Variants in DIAPH1 observed in about 807,000 individuals in gnomAD.
DIAPH1 encodes the protein protein diaphanous homolog 1.
DIAPH1 carries 46 observed loss-of-function variants against 140.7 expected under a neutral mutation model. The observed-to-expected ratio is 0.33, with a 90% CI of 0.26 to 0.42. The LOEUF (loss-of-function observed/expected upper bound fraction) is 0.42, where lower values mean the gene tolerates loss of function less well. DIAPH1 is among the 10% of genes least tolerant of loss of function. DIAPH1 has a pLI of 1.00. For synonymous variants in DIAPH1, 565 were observed against 551.6 expected (o/e 1.02, Z -0.34); for missense variants, 1,310 against 1,558.7 (o/e 0.84, Z 2.69).
chr5:141,540,438 C>A (rs528792764), intron 18 of DIAPH1, among the ~76,000 whole-genome samples: 1 of 152,002 alleles, frequency 6.6e-6, no homozygotes, highest in Non-Finnish European at 1.5e-5. Context: ...GCCTGCCACA[C>A]GCCCAGCTAA....
chr5:141,540,556 A>G (rs933146346), intron 18 of DIAPH1, among the ~76,000 whole-genome samples: 1 of 151,838 alleles, frequency 6.6e-6, no homozygotes, highest in Non-Finnish European at 1.5e-5. Context: ...CTGGGATTAC[A>G]GGCGTGAGCC....
chr5:141,526,550 C>A, intron 24 of DIAPH1, 89 bp from the exon 25 acceptor site: 1 of 1,504,924 alleles, frequency 6.6e-7, no homozygotes, highest in East Asian at 2.3e-5. Flanking sequence ...TGAGTACTGG[C>A]ATGCAAAGGG....
intron 27 of DIAPH1, among the ~76,000 whole-genome samples, chr5:141,522,170 C>T (rs2099886653): frequency 6.6e-6 from 1 of 152,176 alleles, no homozygotes; most frequent in Non-Finnish European, 1.5e-5. Flanking sequence ...TTGAGATTCT[C>T]CCAGATATAT....
chr5:141,583,320 A>G (rs1264061803), intron 5 of DIAPH1, 28 bp from the exon 6 acceptor site: 3 of 1,609,922 alleles, frequency 1.9e-6, no homozygotes, highest in South Asian at 1.1e-5. Context: ...AGGCAATGCA[A>G]TATCAAACCA....
rs139554971 is a variant in DIAPH1, at chr5:141,521,677, C to T, written c.3661+2466G>A. 9.2e-5 allele frequency among the ~76,000 whole-genome samples: 14 copies of T among 152,318 alleles called. No individual in the cohort carries two copies. The East Asian group carries it at 2.7e-3, about 29-fold the overall frequency. ...AGGGCTATGAGGCAGATATGTTCCA[C>T]AGTGCCTCTGTTTTTTTAGCTCAAA... On this transcript the variant is annotated intron_variant, in intron 27 of 27. Transcript: ENST00000389054.
At chr5:141,608,254 T>C (rs776384469) in intron 1 of DIAPH1, among the ~76,000 whole-genome samples, 2 of 152,198 alleles carry the variant, frequency 1.3e-5, no homozygotes, top group Non-Finnish European at 2.9e-5. Context: ...CAGTGGGCCA[T>C]GACTGCACCA....
intron 1 of DIAPH1, among the ~76,000 whole-genome samples, chr5:141,608,247 T>C (rs930009337): frequency 2.6e-5 from 4 of 152,192 alleles, no homozygotes; most frequent in African/African-American, 9.7e-5. Context: ...CAGGCTGCAG[T>C]GGGCCATGAC....
At chr5:141,610,615 A>G (rs2154597326) in intron 1 of DIAPH1, among the ~76,000 whole-genome samples, 1 of 151,546 alleles carries the variant, frequency 6.6e-6, no homozygotes, top group East Asian at 1.9e-4. Context: ...TTGTATTTTT[A>G]GTAGAAATGG....
chr5:141,576,120 G>A, intron 14 of DIAPH1, 110 bp downstream of exon 14: 8 of 925,574 alleles, frequency 8.6e-6, no homozygotes, highest in Middle Eastern at 4.3e-4. Context: ...ACTATTGGGT[G>A]CTAAACGCTT....
chr5:141,538,118 T>C (rs2099889354), intron 18 of DIAPH1, among the ~76,000 whole-genome samples: 1 of 151,378 alleles, frequency 6.6e-6, no homozygotes. Flanking sequence ...TGGAGTGCAG[T>C]GGCGCAATCT....
rs546562527 is a variant in DIAPH1, at chr5:141,570,161, G to C, written c.2482+1267C>G. 2.0e-4 allele frequency among the ~76,000 whole-genome samples: 30 copies of C among 152,156 alleles called. No individual in the cohort carries two copies. In the South Asian group the frequency reaches 5.4e-3, roughly 27 times the overall value. Reference sequence around the variant, plus strand: ...AAATAAAAAGATGGGGATGGGGGTGGGGGGAGAAAAGGGGCCCAGTCAGTA... The same window carrying C: ...AAATAAAAAGATGGGGATGGGGGTGCGGGGAGAAAAGGGGCCCAGTCAGTA... On this transcript the variant is annotated intron_variant, in intron 18 of 27. Transcript: ENST00000389054.
intron 18 of DIAPH1, among the ~76,000 whole-genome samples, chr5:141,552,191 T>C (rs2154595667): frequency 6.6e-6 from 1 of 151,696 alleles, no homozygotes; most frequent in East Asian, 1.9e-4. Flanking sequence ...GTTGTTTTTG[T>C]TGTTTTTTTT....
chr5:141,604,922 C>T (rs2099900703), intron 1 of DIAPH1, among the ~76,000 whole-genome samples: 2 of 152,098 alleles, frequency 1.3e-5, no homozygotes, highest in South Asian at 4.1e-4. Flanking sequence ...CTTATTATTT[C>T]TCTACCACCA....
At chr5:141,528,301 T>A in intron 23 of DIAPH1, 152 bp downstream of exon 23, 2 of 1,058,288 alleles carry the variant, frequency 1.9e-6, no homozygotes, top group Non-Finnish European at 2.8e-6. Context: ...AGCCATACGC[T>A]CTGCCCTTGT....
chr5:141,575,773 G>A (rs942367111), intron 14 of DIAPH1, among the ~76,000 whole-genome samples: 5 of 151,990 alleles, frequency 3.3e-5, no homozygotes, highest in African/African-American at 4.8e-5. Flanking sequence ...GGTATTTAAC[G>A]AGGACGACCA....
chr5:141,569,718 G>A (rs765949722), intron 18 of DIAPH1, among the ~76,000 whole-genome samples: 4 of 152,032 alleles, frequency 2.6e-5, no homozygotes, highest in Non-Finnish European at 4.4e-5. Flanking sequence ...GCACGATCGC[G>A]CCAGTGCACT....
At chr5:141,554,561 G>T (rs1344159570) in intron 18 of DIAPH1, among the ~76,000 whole-genome samples, 1 of 152,006 alleles carries the variant, frequency 6.6e-6, no homozygotes, top group Non-Finnish European at 1.5e-5. Context: ...AACTCATGTT[G>T]TGAGGCTAGC....
chr5:141,579,265 T>C (rs2099896395), intron 8 of DIAPH1, 69 bp from the exon 9 acceptor site: 9 of 1,138,774 alleles, frequency 7.9e-6, no homozygotes, highest in Non-Finnish European at 1.2e-5. Flanking sequence ...AATGAGTAAA[T>C]TACACAGGGG....
At chr5:141,563,702 A>T (rs2099893940) in intron 18 of DIAPH1, 1 of 152,232 alleles carries the variant, frequency 6.6e-6, no homozygotes, top group Admixed American at 6.5e-5. Flanking sequence ...ATACCATTTC[A>T]GTCTATATGT....
Sources: gnomAD v4.1 joint callset for allele counts (sites outside exome capture counted in the v4.1 genomes callset) on GRCh38, gnomAD v4.1.1 for gene constraint, MANE v1.5 for transcripts, NCBI Gene and HGNC (gene_info 2026-07-23, HGNC 2026-07-21) for gene names.